Variants in SPATS2L observed in about 807,000 individuals in gnomAD.
SPATS2L encodes SPATS2-like protein.
SPATS2L carries 30 observed loss-of-function variants against 59.6 expected under a neutral mutation model. That is an observed-to-expected ratio of 0.50 (90% CI 0.38 to 0.68). The LOEUF is 0.68. Ranked by LOEUF, SPATS2L falls within the 30% of genes least tolerant of loss-of-function variation. SPATS2L has a pLI of 0.00. For missense variants in SPATS2L, 615 were observed against 700.0 expected (o/e 0.88, Z 1.37); for synonymous variants, 252 against 263.5 (o/e 0.96, Z 0.42).
chr2:200,449,648 C>T (rs754517025), intron 8 of SPATS2L, among the ~76,000 whole-genome samples: 18 of 152,152 alleles, frequency 1.2e-4, no homozygotes, highest in Non-Finnish European at 2.1e-4. Flanking sequence ...TCTACACATT[C>T]CCATAGGATA....
chr2:200,317,103 C>A (rs562374255), intron 1 of SPATS2L, among the ~76,000 whole-genome samples: 65 of 152,296 alleles, frequency 4.3e-4, no homozygotes, highest in African/African-American at 1.5e-3. Flanking sequence ...ATCCATACTG[C>A]TGAAAAGGGC....
chr2:200,466,010 C>T (rs2043771), intron 9 of SPATS2L, among the ~76,000 whole-genome samples: 1,647 of 152,284 alleles, frequency 0.011, 27 homozygotes, highest in African/African-American at 0.038. Flanking sequence ...CCAGCCTGGA[C>T]GAAAGAGCGA....
intron 2 of SPATS2L, among the ~76,000 whole-genome samples, chr2:200,350,567 C>T (rs1291755312): frequency 6.6e-6 from 1 of 152,078 alleles, no homozygotes; most frequent in Non-Finnish European, 1.5e-5. Context: ...CACTGTGTCA[C>T]CCAGGCTGGA....
intron 1 of SPATS2L, among the ~76,000 whole-genome samples, chr2:200,321,572 C>T (rs2079560377): frequency 6.6e-6 from 1 of 152,118 alleles, no homozygotes; most frequent in African/African-American, 2.4e-5. Context: ...TTTAGAATGA[C>T]TGCATAAATT....
Position 200,368,125 on chromosome 2 carries a change from G to A in SPATS2L, c.-22-21098G>A, listed in dbSNP as rs186528048. On this transcript the variant is annotated intron_variant, in intron 2 of 12. Coordinates refer to ENST00000409140, the MANE Select transcript of SPATS2L (RefSeq NM_001100423.2). ...TGTAATAGTTCAGTGGGTTGTTTCC[G>A]TGGAGCAGGAATCCCGAACTTCTCA... Among the ~76,000 whole-genome samples, 4 of 152,284 alleles carry A rather than the reference G, an allele frequency of 2.6e-5. No individual in the cohort carries two copies. In the East Asian group the frequency reaches 7.7e-4, roughly 29 times the overall value.
chr2:200,376,170 G>C (rs1457683764), intron 2 of SPATS2L, among the ~76,000 whole-genome samples: 1 of 152,140 alleles, frequency 6.6e-6, no homozygotes, highest in Non-Finnish European at 1.5e-5. Context: ...TTTTTAAAAG[G>C]AAGGAATTCT....
At chr2:200,429,732 A>G (rs2083795866) in intron 6 of SPATS2L, among the ~76,000 whole-genome samples, 1 of 152,168 alleles carries the variant, frequency 6.6e-6, no homozygotes, top group African/African-American at 2.4e-5. Flanking sequence ...CTTTATTGCC[A>G]TCTGCTGACA....
intron 1 of SPATS2L, among the ~76,000 whole-genome samples, chr2:200,307,956 C>G (rs769834478): frequency 1.3e-4 from 20 of 151,696 alleles, no homozygotes; most frequent in Non-Finnish European, 2.7e-4. Context: ...AACACAGTCT[C>G]ATTGCTTATT....
Position 200,477,941 on chromosome 2 carries a change from G to T in SPATS2L, c.1587G>T (p.Arg529Ser). 1 of 1,611,666 alleles carries T rather than the reference G, an allele frequency of 6.2e-7. No homozygotes were observed. The highest frequency in any genetic ancestry group is 8.5e-7 in the Non-Finnish European group (1 of 1,179,658). Residue 529 changes from arginine (R) to serine (S), a missense_variant, in exon 13 of 13, where the codon AGG (arginine) becomes AGT (serine). Physicochemically the swap from Arg to Ser is moderately radical, Grantham distance 110. Around this residue, in one of 3 missense-constraint regions of SPATS2L, gnomAD observed 284 missense variants for 280.1 expected, o/e 1.01. Transcript: ENST00000409140. ...GGCCCTTCCGGGGTAGTGTCGGTAG[G>T]GTTTCACAGTGCAATCTCTGCCCCA... ...EARPFRGSVG[R>S]VSQCNLCPTR...
intron 3 of SPATS2L, among the ~76,000 whole-genome samples, chr2:200,408,850 CAA>C (rs2082776824): frequency 6.6e-6 from 1 of 152,250 alleles, no homozygotes; most frequent in Non-Finnish European, 1.5e-5. Flanking sequence ...CTAAAACACT[CAA>C]GAGGGGGCAT....
chr2:200,383,869 C>T, intron 2 of SPATS2L: 1 of 1,000,012 alleles, frequency 1.0e-6, no homozygotes, highest in Non-Finnish European at 1.2e-6. Flanking sequence ...AAATCCAGTT[C>T]AAGCAAAGTG....
At chr2:200,390,706 TG>T (rs532972641) in intron 3 of SPATS2L, 70 of 152,350 alleles carry the variant, frequency 4.6e-4, no homozygotes, top group African/African-American at 1.6e-3. Context: ...CTTAGAATCC[TG>T]GCTGTCTACC....
chr2:200,322,326 A>G (rs2079589308), intron 1 of SPATS2L, among the ~76,000 whole-genome samples: 1 of 152,210 alleles, frequency 6.6e-6, no homozygotes, highest in South Asian at 2.1e-4. Context: ...AGGGTATTTC[A>G]CATAAGTCAG....
chr2:200,471,310 C>T (rs1574731747), intron 11 of SPATS2L, among the ~76,000 whole-genome samples: 1 of 152,114 alleles, frequency 6.6e-6, no homozygotes, highest in African/African-American at 2.4e-5. Flanking sequence ...ACCTATTTGC[C>T]ATTCTCTATC....
intron 6 of SPATS2L, among the ~76,000 whole-genome samples, chr2:200,433,455 G>A (rs894872084): frequency 6.6e-6 from 1 of 152,038 alleles, no homozygotes; most frequent in African/African-American, 2.4e-5. Flanking sequence ...TAAGAGTATG[G>A]TGTCTGAACA....
At chr2:200,446,555 A>G (rs2106131775) in intron 8 of SPATS2L, among the ~76,000 whole-genome samples, 1 of 152,260 alleles carries the variant, frequency 6.6e-6, no homozygotes, top group South Asian at 2.1e-4. Context: ...GATGCTGCTA[A>G]CCGTCTCTCC....
intron 3 of SPATS2L, among the ~76,000 whole-genome samples, chr2:200,396,062 A>G (rs1275839406): frequency 7.1e-5 from 6 of 84,824 alleles, no homozygotes; most frequent in African/African-American, 2.3e-4. Flanking sequence ...ATATATATAT[A>G]TATATTTTCC....
intron 1 of SPATS2L, chr2:200,308,890 GC>G: frequency 1.7e-6 from 1 of 595,646 alleles, no homozygotes. Flanking sequence ...GTTTTAGGGA[GC>G]CCCCTAATGA....
chr2:200,375,188 G>T (rs1441930858), intron 2 of SPATS2L, among the ~76,000 whole-genome samples: 1 of 152,198 alleles, frequency 6.6e-6, no homozygotes. Flanking sequence ...CAACAGCAAT[G>T]AAAATCCCTC....
Sources: allele counts gnomAD v4.1 joint callset (sites outside exome capture counted in the v4.1 genomes callset), GRCh38; gene constraint gnomAD v4.1.1; regional missense constraint gnomAD v4.1.1; transcripts MANE v1.5; gene names NCBI Gene and HGNC (gene_info 2026-07-23, HGNC 2026-07-21).